PSD: variants seen among roughly 807,000 people sequenced by gnomAD.
PSD encodes pleckstrin and Sec7 domain containing, also known as PH and SEC7 domain-containing protein 1.
Under a neutral mutation model 91.6 loss-of-function variants are expected in PSD, and 32 were observed. That is an observed-to-expected ratio of 0.35 (90% CI 0.26 to 0.47). PSD has a LOEUF of 0.47. PSD is among the 20% of genes least tolerant of loss of function. The probability of loss-of-function intolerance (pLI) is 1.00; values close to 1 mark genes in which losing one functional copy is unlikely to be tolerated. For synonymous variants in PSD, 532 were observed against 569.3 expected (o/e 0.93, Z 0.93); for missense variants, 1,099 against 1,373.9 (o/e 0.80, Z 3.16).
chr10:102,408,416 C>G (rs558724717), intron 10 of PSD, among the ~76,000 whole-genome samples: 2 of 152,216 alleles, frequency 1.3e-5, no homozygotes, highest in African/African-American at 4.8e-5. Context: ...CTCCAACCCC[C>G]ACTCCACCGC....
intron 1 of PSD, 112 bp from the exon 2 acceptor site, chr10:102,417,233 C>G (rs1272572454): frequency 1.7e-6 from 1 of 571,574 alleles, no homozygotes; most frequent in East Asian, 3.0e-5. Flanking sequence ...AGGGACCTAG[C>G]ACACCCTGGT....
At position 102,405,523 on chromosome 10, in the gene PSD, GCTC is replaced by G. The variant is rs1241081710; in HGVS notation, c.2146_2148del (p.Glu716del). On this transcript the variant is annotated inframe_deletion, in exon 12 of 17. Transcript: ENST00000020673. The surrounding 1 kb of genome is among the most constrained non-coding windows in gnomAD (Gnocchi z 5.4). ...GCCAACTCAGACAGAGAGCGTCTCA[GCTC>G]CTCCTCGTCTCTGCAGGTGTGATCA... The G allele has an allele frequency of 3.1e-6, 5 of 1,613,300 alleles. No individual in the cohort carries two copies. Among genetic ancestry groups the G allele is most frequent in the Admixed American group, 1.7e-5 (1 of 60,018 alleles).
In PSD at chr10:102,414,213, GA is replaced by G. The variant is rs769852710; in HGVS notation, c.1125-17del. On this transcript the variant is annotated splice_polypyrimidine_tract_variant and intron_variant, in intron 4 of 16. Coordinates refer to ENST00000020673, the MANE Select transcript of PSD (RefSeq NM_002779.5). This position sits in a 1 kb window ranked among gnomAD's most constrained non-coding sequence, Gnocchi z 5.6. ...GCTCCCTGGCCTGCAGGGGCAGGGAGAATCTCTGATTAGGGGCCCAGATCAC... is the reference window on the plus strand; with the variant it reads ...GCTCCCTGGCCTGCAGGGGCAGGGAGATCTCTGATTAGGGGCCCAGATCAC... 2 of 1,587,772 alleles carry G rather than the reference GA, an allele frequency of 1.3e-6. No individual in the cohort carries two copies. Among genetic ancestry groups the G allele is most frequent in the Non-Finnish European group, 1.7e-6 (2 of 1,166,362 alleles).
chr10:102,418,428 C>G (rs2061511727), intron 1 of PSD, among the ~76,000 whole-genome samples: 1 of 152,014 alleles, frequency 6.6e-6, no homozygotes, highest in Non-Finnish European at 1.5e-5. Context: ...GATGTACACA[C>G]TCAAGCAGGG....
At position 102,410,432 on chromosome 10, in the gene PSD, G is replaced by A. The variant is rs985732293; in HGVS notation, c.2091+426C>T. On this transcript the variant is annotated intron_variant, in intron 10 of 16. Coordinates refer to ENST00000020673, the MANE Select transcript of PSD (RefSeq NM_002779.5). The surrounding 1 kb of genome is among the most constrained non-coding windows in gnomAD (Gnocchi z 6.0). ...CCCTCCGGGTTCCTGCAGCGCAGCA[G>A]CACCGGGAAGGTCTTTTTGGCTGTC... Among the ~76,000 whole-genome samples, 1 of 152,234 alleles carries A rather than the reference G, an allele frequency of 6.6e-6. No individual in the cohort carries two copies. Among genetic ancestry groups the A allele is most frequent in the African/African-American group, 2.4e-5 (1 of 41,452 alleles).
rs377665244 is a variant in PSD, at chr10:102,414,940, A to G, written c.1047T>C (p.Asn349=). Residue 349 remains asparagine (N), a synonymous_variant, in exon 4 of 17, where the codon AAT becomes AAC. Transcript: ENST00000020673. This position sits in a 1 kb window ranked among gnomAD's most constrained non-coding sequence, Gnocchi z 5.6. ...PGPHPSLGSG[N]EDEDDDEAGG... is the part of the protein sequence containing the mutation. ...CTGCCTCATCGTCGTCCTCATCCTCATTGCCACTGCCGAGGCTGGGATGAG... is the reference window on the plus strand; with the variant it reads ...CTGCCTCATCGTCGTCCTCATCCTCGTTGCCACTGCCGAGGCTGGGATGAG... 9.7e-6 allele frequency: 15 copies of G among 1,549,982 alleles called. No homozygotes were observed. The African/African-American group carries it at 1.9e-4, about 20-fold the overall frequency.
intron 7 of PSD, 27 bp downstream of exon 7, chr10:102,412,120 G>T: frequency 6.2e-7 from 1 of 1,606,434 alleles, no homozygotes; most frequent in South Asian, 1.1e-5. Flanking sequence ...GAGAGTGGGG[G>T]CTGTCCTCCA....
At chr10:102,415,250 C>T in intron 3 of PSD, 21 bp from the exon 4 acceptor site, 3 of 1,580,308 alleles carry the variant, frequency 1.9e-6, no homozygotes, top group Non-Finnish European at 2.6e-6. Context: ...CATAGGCATC[C>T]AGGTCAGGAG....
intron 10 of PSD, chr10:102,408,805 C>T: frequency 1.1e-6 from 1 of 871,774 alleles, no homozygotes; most frequent in South Asian, 5.2e-5. Context: ...CAGGCTCCGC[C>T]CTCGGTTGGC....
chr10:102,406,568 C>T (rs796212663), intron 11 of PSD, among the ~76,000 whole-genome samples: 4 of 147,474 alleles, frequency 2.7e-5, no homozygotes, highest in African/African-American at 1.0e-4. Flanking sequence ...AGTGCAGTGG[C>T]GGGATCTCGG....
Position 102,404,565 on chromosome 10 carries a change from G to A in PSD, c.2700+18C>T, listed in dbSNP as rs1203957706. On this transcript the variant is annotated intron_variant, in intron 15 of 16. Transcript: ENST00000020673. This position sits in a 1 kb window ranked among gnomAD's most constrained non-coding sequence, Gnocchi z 5.7. ...ACCCTCCATCCCACTGGCACTAGGT[G>A]GACAGAGCTTGGGCTACCTGGGAGA... The A allele has an allele frequency of 8.1e-6, 13 of 1,610,034 alleles. No individual in the cohort carries two copies. Among genetic ancestry groups the A allele is most frequent in the Non-Finnish European group, 1.1e-5 (13 of 1,178,296 alleles).
chr10:102,408,870 T>C (rs2061393894), intron 10 of PSD: 1 of 986,376 alleles, frequency 1.0e-6, no homozygotes, highest in Admixed American at 6.1e-5. Context: ...CAACCTGGCG[T>C]GGGCCGCGGC....
chr10:102,418,648 G>A (rs950942765), intron 1 of PSD, 53 bp downstream of exon 1: 3 of 448,028 alleles, frequency 6.7e-6, no homozygotes, highest in Non-Finnish European at 9.1e-6. Context: ...AGCTCAACGG[G>A]GTCCCAGCGC....
chr10:102,404,728 C>T lies in PSD; in HGVS notation c.2556-1G>A. On this transcript the variant is annotated splice_acceptor_variant, in intron 14 of 16. Transcript: ENST00000020673. LOFTEE classifies it high-confidence loss of function. The surrounding 1 kb of genome is among the most constrained non-coding windows in gnomAD (Gnocchi z 5.7). ...CCAGGACTGCATCTGCTCCAGGCTC[C>T]TGGGGAGAAAGCACAGCCCTTTGGG... The T allele has an allele frequency of 6.4e-7, 1 of 1,569,072 alleles. No individual in the cohort carries two copies. Among genetic ancestry groups the T allele is most frequent in the Non-Finnish European group, 8.7e-7 (1 of 1,154,884 alleles).
rs1466889171 is a variant in PSD at position 102,402,990 on chromosome 10, CATT to C, written c.*207_*209del. 2 of 135,738 alleles carry C rather than the reference CATT, an allele frequency of 1.5e-5. No individual in the cohort carries two copies. The highest frequency in any genetic ancestry group is 2.6e-5 in the Non-Finnish European group (2 of 76,654). 8.4% of individuals were successfully genotyped at this position (135,738 alleles called of 1,614,324 possible). ...CCACCCTGTACGAAAAAGTGCAAAACATTATCACAAAAAGGGGCTCTCGGAGGT... is the reference window on the plus strand; with the variant it reads ...CCACCCTGTACGAAAAAGTGCAAAACATCACAAAAAGGGGCTCTCGGAGGT... On this transcript the variant is annotated 3_prime_UTR_variant, in exon 17 of 17. Transcript: ENST00000020673.
In PSD at chr10:102,402,699, C is replaced by T; in HGVS notation, c.*501G>A. 1 of 311,500 alleles carries T rather than the reference C, an allele frequency of 3.2e-6. No homozygotes were observed. Among genetic ancestry groups the T allele is most frequent in the Non-Finnish European group, 5.9e-6 (1 of 168,758 alleles). 19.3% of individuals were successfully genotyped at this position (311,500 alleles called of 1,614,324 possible). A position where few individuals can be genotyped will look rare whatever the true frequency, so the allele number is the denominator to read the frequency against. On this transcript the variant is annotated 3_prime_UTR_variant, in exon 17 of 17. Coordinates refer to ENST00000020673, the MANE Select transcript of PSD (RefSeq NM_002779.5). ...TGAAGCGGGGGAAAGCCAGGCCGTG[C>T]TGCCCCCGGCCCAGGTATGGGGCCT...
At chr10:102,408,491 A>G (rs1311840532) in intron 10 of PSD, among the ~76,000 whole-genome samples, 1 of 152,010 alleles carries the variant, frequency 6.6e-6, no homozygotes, top group Non-Finnish European at 1.5e-5. Flanking sequence ...GAAACCCAGC[A>G]TGGCTCAGAC....
In PSD at chr10:102,407,226, GC is replaced by G; in HGVS notation, c.2131del (p.Ala711ProfsTer2). ...ACCACGCAGCCCCGGGACTCACATG[GC>G]CCACTGCAGCTTCTCATTCTTGATG... The part of the protein sequence containing the change: ...SSIKNEKLQW[A>X]IDEEELRRSL... On this transcript the variant is annotated frameshift_variant, in exon 11 of 17. Transcript: ENST00000020673. LOFTEE classifies it high-confidence loss of function. 1 of 1,602,924 alleles carries G rather than the reference GC, an allele frequency of 6.2e-7. No homozygotes were observed. The highest frequency in any genetic ancestry group is 8.5e-7 in the Non-Finnish European group (1 of 1,174,982).
Position 102,414,238 on chromosome 10 carries a change from A to C in PSD, c.1125-41T>G. On this transcript the variant is annotated intron_variant, in intron 4 of 16. Transcript: ENST00000020673. The surrounding 1 kb of genome is among the most constrained non-coding windows in gnomAD (Gnocchi z 5.6). ...GAATCTCTGATTAGGGGCCCAGATCACAGGGCTGGGGCAGGATTTCACTGA... is the reference window on the plus strand; with the variant it reads ...GAATCTCTGATTAGGGGCCCAGATCCCAGGGCTGGGGCAGGATTTCACTGA... The C allele has an allele frequency of 2.0e-6, 3 of 1,527,806 alleles. No homozygotes were observed. Among genetic ancestry groups the C allele is most frequent in the Non-Finnish European group, 2.7e-6 (3 of 1,123,352 alleles). 94.6% of individuals were successfully genotyped at this position (1,527,806 alleles called of 1,614,324 possible).
Sources: gnomAD v4.1 joint callset for allele counts (sites outside exome capture counted in the v4.1 genomes callset) on GRCh38, gnomAD v4.1.1 for gene constraint, Gnocchi (gnomAD v3.1) non-coding constraint, MANE v1.5 for transcripts, NCBI Gene and HGNC (gene_info 2026-07-23, HGNC 2026-07-21) for gene names.